The following NTRK2 variants were observed in gnomAD, a reference collection of about 807,000 sequenced individuals.
The protein encoded by NTRK2 is BDNF/NT-3 growth factors receptor.
In NTRK2, 13 loss-of-function variants were observed where a neutral mutation model predicts 94.5. That is an observed-to-expected ratio of 0.14 (90% CI 0.09 to 0.22). NTRK2 has a LOEUF of 0.22. NTRK2 is among the 10% of genes least tolerant of loss of function. NTRK2 has a pLI of 1.00. For synonymous variants in NTRK2, 372 were observed against 407.4 expected (o/e 0.91, Z 1.05); for missense variants, 639 against 1,071.2 (o/e 0.60, Z 5.63).
At chr9:84,920,620 T>G (rs1026873060) in intron 14 of NTRK2, among the ~76,000 whole-genome samples, 1 of 152,182 alleles carries the variant, frequency 6.6e-6, no homozygotes, top group African/African-American at 2.4e-5. Context: ...GTGAGAATTC[T>G]TCTACTCTAT....
chr9:84,955,669 C>T, intron 17 of NTRK2, 152 bp downstream of exon 17: 1 of 753,100 alleles, frequency 1.3e-6, no homozygotes, highest in South Asian at 1.5e-5. Context: ...GGCTGGAAGT[C>T]CAAGCTCAAG....
chr9:84,778,726 CATG>C (rs1213193032), intron 12 of NTRK2, among the ~76,000 whole-genome samples: 1 of 152,202 alleles, frequency 6.6e-6, no homozygotes, highest in African/African-American at 2.4e-5. Flanking sequence ...CAGTGAAGCT[CATG>C]ATGAGTAAGC....
intron 12 of NTRK2, among the ~76,000 whole-genome samples, chr9:84,781,930 C>T (rs996736340): frequency 2.6e-5 from 4 of 151,924 alleles, no homozygotes; most frequent in African/African-American, 7.3e-5. Flanking sequence ...CTCTTCGTAA[C>T]GATTTTTTAA....
rs1270839525 is a variant in NTRK2 at position 85,021,511 on chromosome 9, C to T, written c.*74C>T. ...TGAGAGGATGAACATCTTTTAACTG[C>T]CGCTGGAGGCCACCAAGCTGCTCTC... is the stretch of plus-strand genomic sequence containing the variant. On this transcript the variant is annotated 3_prime_UTR_variant, in exon 19 of 19. Coordinates refer to ENST00000277120, the MANE Select transcript of NTRK2 (RefSeq NM_006180.6). 7.0e-7 allele frequency: 1 copy of T among 1,436,668 alleles called. No individual in the cohort carries two copies. Among genetic ancestry groups the T allele is most frequent in the Non-Finnish European group, 9.8e-7 (1 of 1,020,218 alleles). The allele number at this position is 1,436,668 out of a possible 1,614,324, so 89.0% of individuals were successfully genotyped here.
At chr9:84,754,344 C>T (rs535258738) in intron 12 of NTRK2, among the ~76,000 whole-genome samples, 1 of 151,882 alleles carries the variant, frequency 6.6e-6, no homozygotes, top group Non-Finnish European at 1.5e-5. Flanking sequence ...TTTTAAGCTA[C>T]ATGTCTATCT....
At chr9:84,756,461 T>C (rs2065095190) in intron 12 of NTRK2, among the ~76,000 whole-genome samples, 1 of 152,044 alleles carries the variant, frequency 6.6e-6, no homozygotes, top group Admixed American at 6.6e-5. Context: ...GTGTACAGGG[T>C]TGCAAAAAAT....
intron 14 of NTRK2, among the ~76,000 whole-genome samples, chr9:84,916,620 G>A (rs894350138): frequency 1.3e-5 from 2 of 152,156 alleles, no homozygotes; most frequent in African/African-American, 4.8e-5. Flanking sequence ...ATCCCATTAG[G>A]AGCAGGCCTA....
chr9:84,911,150 G>A (rs575439955), intron 14 of NTRK2, among the ~76,000 whole-genome samples: 127 of 152,184 alleles, frequency 8.3e-4, no homozygotes, highest in African/African-American at 3.0e-3. Flanking sequence ...AATGAACCCC[G>A]CTTGATCATG....
chr9:84,729,239 T>G (rs560619064), intron 9 of NTRK2, among the ~76,000 whole-genome samples: 1 of 152,362 alleles, frequency 6.6e-6, no homozygotes, highest in East Asian at 1.9e-4. Context: ...ATGCACAAGC[T>G]TGCTTAGTAT....
chr9:84,783,500 G>A (rs2067814203), intron 12 of NTRK2, among the ~76,000 whole-genome samples: 1 of 152,098 alleles, frequency 6.6e-6, no homozygotes, highest in African/African-American at 2.4e-5. Context: ...TCAGGCATTG[G>A]GTTAGATGGT....
At chr9:84,959,138 A>AT (rs553267543) in intron 17 of NTRK2, among the ~76,000 whole-genome samples, 81 of 152,092 alleles carry the variant, frequency 5.3e-4, no homozygotes, top group African/African-American at 1.9e-3. Flanking sequence ...ATTTTTAAAA[A>AT]TTTTTTTCAT....
At chr9:84,828,458 G>T (rs1330576558) in intron 12 of NTRK2, among the ~76,000 whole-genome samples, 1 of 152,052 alleles carries the variant, frequency 6.6e-6, no homozygotes, top group Non-Finnish European at 1.5e-5. Context: ...GGAGATTCAG[G>T]ATTCAGGTGA....
chr9:84,786,633 G>A (rs574534000), intron 12 of NTRK2, among the ~76,000 whole-genome samples: 132 of 152,152 alleles, frequency 8.7e-4, no homozygotes, highest in Non-Finnish European at 3.5e-4. Context: ...AAAACCCTAC[G>A]AAAAGAAAAG....
At chr9:84,950,294 C>T (rs1045845627) in intron 16 of NTRK2, among the ~76,000 whole-genome samples, 7 of 152,168 alleles carry the variant, frequency 4.6e-5, no homozygotes. Flanking sequence ...CTGGTAGGGT[C>T]CACAGTGAGT....
intron 17 of NTRK2, among the ~76,000 whole-genome samples, chr9:84,987,846 AATG>A (rs745605852): frequency 7.5e-4 from 114 of 152,350 alleles, no homozygotes; most frequent in African/African-American, 2.6e-3. Flanking sequence ...ACATGTAACT[AATG>A]ATGTTAACTA....
chr9:84,724,001 G>T lies in NTRK2; in HGVS notation c.721-223G>T, dbSNP rs2062260466. Among the ~76,000 whole-genome samples, 4 of 152,144 alleles carry T rather than the reference G, an allele frequency of 2.6e-5. No homozygotes were observed. The South Asian group carries it at 8.3e-4, about 32-fold the overall frequency. ...ACTTTCCCTGTGGTCTTCTCCCTTGGAGGGAATTCAGGGATCAAGTCAACC... is the reference window on the plus strand; with the variant it reads ...ACTTTCCCTGTGGTCTTCTCCCTTGTAGGGAATTCAGGGATCAAGTCAACC... On this transcript the variant is annotated intron_variant, in intron 7 of 18. Transcript: ENST00000277120.
Position 84,734,346 on chromosome 9 carries a change from T to C in NTRK2, c.1159+6387T>C, listed in dbSNP as rs572036141. ...CATTCCCCACCTCCCTTTGTGTTTA[T>C]GCCCTGTAGCCATTAGGGAGCAGCT... On this transcript the variant is annotated intron_variant, in intron 9 of 18. Transcript: ENST00000277120. 2.2e-4 allele frequency among the ~76,000 whole-genome samples: 33 copies of C among 152,354 alleles called. No individual in the cohort carries two copies. In the Middle Eastern group the frequency reaches 0.01, roughly 47 times the overall value.
chr9:84,978,429 G>A (rs1827176230), intron 17 of NTRK2, among the ~76,000 whole-genome samples: 1 of 152,220 alleles, frequency 6.6e-6, no homozygotes, highest in Non-Finnish European at 1.5e-5. Context: ...TTAGAAAAAG[G>A]CTCTAACTCT....
rs545736662 is a variant in NTRK2 at position 84,674,693 on chromosome 9, T to C, written c.212+3733T>C. 2.6e-5 allele frequency among the ~76,000 whole-genome samples: 4 copies of C among 152,332 alleles called. No individual in the cohort carries two copies. The South Asian group carries it at 8.3e-4, about 32-fold the overall frequency. ...CTAATTTACATCATTCATTATTTAA[T>C]ACAACTTGCAAGCTGGAGTTGAGAA... On this transcript the variant is annotated intron_variant, in intron 2 of 18. Transcript: ENST00000277120.
Sources: allele counts gnomAD v4.1 joint callset (sites outside exome capture counted in the v4.1 genomes callset), GRCh38; gene constraint gnomAD v4.1.1; transcripts MANE v1.5; gene names NCBI Gene and HGNC (gene_info 2026-07-23, HGNC 2026-07-21).